BRSK2: variants seen among roughly 807,000 people sequenced by gnomAD.
The protein encoded by BRSK2 is BR serine/threonine kinase 2, also known as serine/threonine-protein kinase BRSK2.
A neutral mutation model predicts 83.3 loss-of-function variants in BRSK2; 19 were observed. The ratio of observed to expected loss-of-function variants is 0.23; its 90% confidence interval spans 0.16 to 0.33. The LOEUF is 0.33. Among genes scored for constraint, BRSK2 ranks in the 10% least tolerant of loss-of-function variants. The pLI, the probability that BRSK2 is intolerant of heterozygous loss-of-function variation, is 1.00. For synonymous variants in BRSK2, 519 were observed against 435.4 expected (o/e 1.19, Z -2.39); for missense variants, 798 against 1,042.3 (o/e 0.77, Z 3.23).
At chr11:1,457,123 G>T (rs1590706791) in intron 18 of BRSK2, 1 of 1,329,722 alleles carries the variant, frequency 7.5e-7, no homozygotes. Context: ...CTGGCCCTGA[G>T]CAGGGCCCTC....
chr11:1,413,401 C>T (rs1325781789), intron 1 of BRSK2, among the ~76,000 whole-genome samples: 1 of 152,128 alleles, frequency 6.6e-6, no homozygotes, highest in Non-Finnish European at 1.5e-5. Flanking sequence ...ACTCATCCTT[C>T]TTGGAGGCCA....
intron 1 of BRSK2, 22 bp from the exon 2 acceptor site, chr11:1,436,018 C>A: frequency 6.3e-7 from 1 of 1,587,844 alleles, no homozygotes; most frequent in Non-Finnish European, 8.6e-7. Flanking sequence ...TGGGTCTGAG[C>A]GCGGCTGCTT....
intron 1 of BRSK2, among the ~76,000 whole-genome samples, chr11:1,392,764 AGCGCTG>A (rs1225617911): frequency 6.6e-6 from 1 of 152,124 alleles, no homozygotes; most frequent in Non-Finnish European, 1.5e-5. Flanking sequence ...TTTCAGCGTG[AGCGCTG>A]CATGGTCTCA....
Position 1,449,803 on chromosome 11 carries a change from A to G in BRSK2, c.1254A>G (p.Ser418=), listed in dbSNP as rs377515324. 42 of 1,611,944 alleles carry G rather than the reference A, an allele frequency of 2.6e-5. No homozygotes were observed. In the African/African-American group the frequency reaches 5.3e-4, roughly 20 times the overall value. The stretch of plus-strand genomic sequence containing the variant: ...CTCGGTCCATCAGCGGTGCCTCCTC[A>G]GGCCTTTCCACCAGCCCACTCAGCA... ...QRSRSISGAS[S]GLSTSPLSSP... Residue 418 remains serine, a synonymous_variant, in exon 13 of 20, where the codon TCA becomes TCG. Transcript: ENST00000528841.
chr11:1,397,983 C>T (rs1247712620), intron 1 of BRSK2, among the ~76,000 whole-genome samples: 1 of 152,204 alleles, frequency 6.6e-6, no homozygotes, highest in Non-Finnish European at 1.5e-5. Context: ...CCTTCCCGGC[C>T]CCGGGCAGAG....
intron 2 of BRSK2, among the ~76,000 whole-genome samples, chr11:1,436,730 A>T (rs947317821): frequency 8.6e-5 from 13 of 152,004 alleles, no homozygotes; most frequent in Admixed American, 8.5e-4. Context: ...TCCCACCCAC[A>T]GTGGGACCTG....
intron 19 of BRSK2, 148 bp from the exon 20 acceptor site, chr11:1,460,352 T>G: frequency 1.3e-5 from 12 of 920,386 alleles, no homozygotes; most frequent in East Asian, 3.1e-5. Flanking sequence ...CTCAGCCTCA[T>G]CTCTGGGTTC....
At chr11:1,422,327 C>T (rs1000804460) in intron 1 of BRSK2, among the ~76,000 whole-genome samples, 6 of 152,136 alleles carry the variant, frequency 3.9e-5, no homozygotes, top group African/African-American at 1.4e-4. Flanking sequence ...CCAGCCGCTC[C>T]TCCACCCTGT....
chr11:1,452,820 A>G (rs1284501513), intron 15 of BRSK2, among the ~76,000 whole-genome samples: 1 of 152,034 alleles, frequency 6.6e-6, no homozygotes, highest in African/African-American at 2.4e-5. Context: ...ACGAGGGTCC[A>G]GCACGGATGC....
At chr11:1,440,952 C>G in intron 4 of BRSK2, 24 bp downstream of exon 4, 7 of 1,597,314 alleles carry the variant, frequency 4.4e-6, no homozygotes, top group Non-Finnish European at 6.0e-6. Context: ...CCTGGTGCCC[C>G]CCACTCCCCA....
rs368335982 is a variant in BRSK2 at position 1,443,102 on chromosome 11, G to A, written c.531-4G>A. The A allele has an allele frequency of 8.5e-5, 131 of 1,534,342 alleles. No individual in the cohort carries two copies. The African/African-American group carries it at 1.6e-3, about 18-fold the overall frequency. On this transcript the variant is annotated splice_polypyrimidine_tract_variant and splice_region_variant and intron_variant, in intron 5 of 19. Transcript: ENST00000528841. ...CCGCCGCTGACCTCTGCCCTTGCCC[G>A]CAGGTCCCCCCACTACGCCTGCCCC... is the stretch of plus-strand genomic sequence containing the variant.
chr11:1,450,677 C>T lies in BRSK2; in HGVS notation c.1378C>T (p.Pro460Ser), dbSNP rs764072644. ...HTPKESPAGT[P>S]NPTPPSSPSV... The stretch of plus-strand genomic sequence containing the variant: ...GCCAAAGGAGAGCCCGGCTGGCACG[C>T]CCAACCCCACGCCCCCGTCCAGCCC... Residue 460 changes from proline to serine, a missense_variant, in exon 14 of 20, where the codon CCC becomes TCC. This residue lies in a region of BRSK2 where 455 missense variants were observed against 455.2 expected (regional missense o/e 1.00). Transcript: ENST00000528841. The T allele has an allele frequency of 6.8e-6, 11 of 1,609,372 alleles. No homozygotes were observed. Among genetic ancestry groups the T allele is most frequent in the South Asian group, 1.1e-5 (1 of 90,670 alleles).
rs922225625 is a variant in BRSK2, at chr11:1,461,126, C to G, written c.*403C>G. On this transcript the variant is annotated 3_prime_UTR_variant, in exon 20 of 20. Transcript: ENST00000528841. The stretch of plus-strand genomic sequence containing the variant: ...TCCACCCCGCGGCAGCTCCTCGCCT[C>G]AGCTCCGCACGGCCCGTGGGAGGAA... The G allele has an allele frequency of 3.1e-6, 4 of 1,305,090 alleles. No individual in the cohort carries two copies. Among genetic ancestry groups the G allele is most frequent in the Non-Finnish European group, 3.1e-6 (3 of 953,392 alleles). The allele number at this position is 1,305,090 out of a possible 1,614,324, so 80.8% of individuals were successfully genotyped here.
intron 1 of BRSK2, among the ~76,000 whole-genome samples, chr11:1,413,063 C>G (rs369649643): frequency 6.6e-6 from 1 of 152,164 alleles, no homozygotes; most frequent in Admixed American, 6.5e-5. Flanking sequence ...GTTCAGAACC[C>G]GCATTCCTGG....
rs1458270514 is a variant in BRSK2, at chr11:1,461,569, C to T, written c.*846C>T. The stretch of plus-strand genomic sequence containing the variant: ...TATTTGCCGTTTTAATTTATGGATT[C>T]TCCGCACCTCTGTTCAGGGAAGGGC... On this transcript the variant is annotated 3_prime_UTR_variant, in exon 20 of 20. Transcript: ENST00000528841. 1 of 163,948 alleles carries T rather than the reference C, an allele frequency of 6.1e-6. No individual in the cohort carries two copies. Among genetic ancestry groups the T allele is most frequent in the African/African-American group, 2.4e-5 (1 of 41,510 alleles). 10.2% of individuals were successfully genotyped at this position (163,948 alleles called of 1,614,324 possible). A position where few individuals can be genotyped will look rare whatever the true frequency, so the allele number is the denominator to read the frequency against.
intron 18 of BRSK2, among the ~76,000 whole-genome samples, 164 bp from the exon 19 acceptor site, chr11:1,459,028 G>A (rs1277769567): frequency 1.4e-4 from 15 of 104,144 alleles, no homozygotes; most frequent in African/African-American, 4.1e-4. Context: ...TATAAGCCCC[G>A]CCCCCTCTGG....
Position 1,451,397 on chromosome 11 carries a change from C to T in BRSK2, c.1522C>T (p.Leu508=). The T allele has an allele frequency of 1.9e-6, 3 of 1,612,964 alleles. No individual in the cohort carries two copies. Among genetic ancestry groups the T allele is most frequent in the Admixed American group, 1.7e-5 (1 of 60,030 alleles). ...QVPTPEEMSN[L]TPESSPELAK... ...TCCGACGCCGGAGGAGATGTCCAAC[C>T]TGACACCAGAGTCGTCCCCAGAGTA... The change falls in exon 15 of 20, where the codon CTG becomes TTG. Residue 508 remains leucine (L), a synonymous_variant. Coordinates refer to ENST00000528841, the MANE Select transcript of BRSK2 (RefSeq NM_001256627.2).
In BRSK2 at chr11:1,462,144, G is replaced by A. The variant is rs1449279583; in HGVS notation, c.*1421G>A. ...AAGAGTCGGTGGCGCTCCTCTGCAG[G>A]GCGTTCTGTGCAGAGCGAGGCCCAG... is the stretch of plus-strand genomic sequence containing the variant. On this transcript the variant is annotated 3_prime_UTR_variant, in exon 20 of 20. Coordinates refer to ENST00000528841, the MANE Select transcript of BRSK2 (RefSeq NM_001256627.2). 1 of 152,128 alleles carries A rather than the reference G, an allele frequency of 6.6e-6. No homozygotes were observed. The highest frequency in any genetic ancestry group is 1.5e-5 in the Non-Finnish European group (1 of 68,010). The allele number at this position is 152,128 out of a possible 1,614,324, so 9.4% of individuals were successfully genotyped here.
Position 1,454,746 on chromosome 11 carries a change from T to A in BRSK2, c.1668+138T>A. 8.5e-7 allele frequency: 1 copy of A among 1,173,424 alleles called. No individual in the cohort carries two copies. 72.7% of individuals were successfully genotyped at this position (1,173,424 alleles called of 1,614,324 possible). ...ACGTCCGCTCACCCGTGGGCCTGCC[T>A]GGCCGCCTTCACTGGACAGGCGCTC... On this transcript the variant is annotated intron_variant, in intron 16 of 19. Coordinates refer to ENST00000528841, the MANE Select transcript of BRSK2 (RefSeq NM_001256627.2). This position sits in a 1 kb window ranked among gnomAD's most constrained non-coding sequence, Gnocchi z 5.2.
Sources: gnomAD v4.1 joint callset for allele counts (sites outside exome capture counted in the v4.1 genomes callset) on GRCh38, gnomAD v4.1.1 for gene constraint, gnomAD v4.1.1 regional missense constraint, Gnocchi (gnomAD v3.1) non-coding constraint, MANE v1.5 for transcripts, NCBI Gene and HGNC (gene_info 2026-07-23, HGNC 2026-07-21) for gene names.